Variants in ERI3 observed in about 807,000 individuals in gnomAD.
ERI3 encodes ERI1 exoribonuclease family member 3, also known as ERI1 exoribonuclease 3.
In ERI3, 18 loss-of-function variants were observed where a neutral mutation model predicts 44.4. The ratio of observed to expected loss-of-function variants is 0.41; its 90% confidence interval spans 0.28 to 0.60. The LOEUF (loss-of-function observed/expected upper bound fraction) is 0.60. Among genes scored for constraint, ERI3 ranks in the 20% least tolerant of loss-of-function variants. The pLI, the probability that ERI3 is intolerant of heterozygous loss-of-function variation, is 0.36. For synonymous variants in ERI3, 183 were observed against 164.8 expected (o/e 1.11, Z -0.84); for missense variants, 294 against 435.5 (o/e 0.68, Z 2.89).
At chr1:44,336,860 T>A (rs996195255) in intron 3 of ERI3, among the ~76,000 whole-genome samples, 8 of 152,334 alleles carry the variant, frequency 5.3e-5, no homozygotes, top group African/African-American at 1.9e-4. Flanking sequence ...GGTTCATTGA[T>A]TCTGGAGATA....
At chr1:44,268,411 T>C (rs779177793) in intron 7 of ERI3, among the ~76,000 whole-genome samples, 2 of 152,202 alleles carry the variant, frequency 1.3e-5, no homozygotes, top group Non-Finnish European at 2.9e-5. Flanking sequence ...CACTGTACCA[T>C]ACATTGCCCA....
intron 7 of ERI3, among the ~76,000 whole-genome samples, chr1:44,250,633 T>C (rs1485711492): frequency 6.6e-6 from 1 of 152,080 alleles, no homozygotes; most frequent in African/African-American, 2.4e-5. Flanking sequence ...GCGTCTCCAC[T>C]GCGGCCGTGG....
At chr1:44,264,764 GC>G (rs1644957993) in intron 7 of ERI3, among the ~76,000 whole-genome samples, 1 of 152,182 alleles carries the variant, frequency 6.6e-6, no homozygotes, top group South Asian at 2.1e-4. Flanking sequence ...TAGATTTACT[GC>G]CCACCACGCT....
chr1:44,285,925 G>A (rs1645385231), intron 6 of ERI3, among the ~76,000 whole-genome samples: 1 of 152,152 alleles, frequency 6.6e-6, no homozygotes, highest in Non-Finnish European at 1.5e-5. Flanking sequence ...AGATTGTTCT[G>A]GATGCAGCAA....
At chr1:44,272,413 GT>G (rs1645105240) in intron 7 of ERI3, among the ~76,000 whole-genome samples, 1 of 152,200 alleles carries the variant, frequency 6.6e-6, no homozygotes, top group African/African-American at 2.4e-5. Context: ...TTGCACAGCA[GT>G]TTCTAGCTGT....
At chr1:44,253,240 C>T (rs1350216452) in intron 7 of ERI3, among the ~76,000 whole-genome samples, 3 of 152,196 alleles carry the variant, frequency 2.0e-5, no homozygotes, top group Non-Finnish European at 2.9e-5. Context: ...CAGCCCATGC[C>T]TCATAGAAAG....
intron 7 of ERI3, among the ~76,000 whole-genome samples, chr1:44,283,193 G>C (rs1645324445): frequency 6.6e-6 from 1 of 152,164 alleles, no homozygotes; most frequent in South Asian, 2.1e-4. Context: ...CACATGCCTA[G>C]CTCTGCCTTG....
chr1:44,241,556 C>G lies in ERI3; in HGVS notation c.931+6383G>C, dbSNP rs2154317443. Among the ~76,000 whole-genome samples the G allele has an allele frequency of 6.6e-6, 1 of 152,240 alleles. No individual in the cohort carries two copies. The highest frequency in any genetic ancestry group is 2.4e-5 in the African/African-American group (1 of 41,552). ...GCACGCGGGTCCTGCCAGATGGATGCAATTTGCATAATATCAGCAGTGGAG... is the reference window on the plus strand; with the variant it reads ...GCACGCGGGTCCTGCCAGATGGATGGAATTTGCATAATATCAGCAGTGGAG... On this transcript the variant is annotated intron_variant, in intron 8 of 8. Transcript: ENST00000372257. This position sits in a 1 kb window ranked among gnomAD's most constrained non-coding sequence, Gnocchi z 5.6.
At chr1:44,333,831 C>CA (rs1646478902) in intron 3 of ERI3, among the ~76,000 whole-genome samples, 1 of 152,164 alleles carries the variant, frequency 6.6e-6, no homozygotes, top group Non-Finnish European at 1.5e-5. Context: ...ACATATCCTT[C>CA]AAAAATAACA....
chr1:44,333,914 C>G (rs570664599), intron 3 of ERI3, among the ~76,000 whole-genome samples: 1 of 152,336 alleles, frequency 6.6e-6, no homozygotes, highest in South Asian at 2.1e-4. Context: ...GATGGACTCT[C>G]TTCAAGGTTT....
At chr1:44,273,236 G>GT (rs1365407458) in intron 7 of ERI3, among the ~76,000 whole-genome samples, 1 of 152,242 alleles carries the variant, frequency 6.6e-6, no homozygotes, top group Non-Finnish European at 1.5e-5. Flanking sequence ...AACTAATGCA[G>GT]TTTCCAGCAA....
chr1:44,335,193 A>T (rs1380268997), intron 3 of ERI3, among the ~76,000 whole-genome samples: 3 of 151,886 alleles, frequency 2.0e-5, no homozygotes, highest in African/African-American at 4.8e-5. Flanking sequence ...TAAACAGAAA[A>T]TTAGCCAGGC....
At chr1:44,336,478 A>G (rs1646537663) in intron 3 of ERI3, among the ~76,000 whole-genome samples, 1 of 152,232 alleles carries the variant, frequency 6.6e-6, no homozygotes, top group African/African-American at 2.4e-5. Flanking sequence ...TAGAGGTTTA[A>G]TGAAGTCAAG....
At chr1:44,271,681 T>C (rs1263791521) in intron 7 of ERI3, among the ~76,000 whole-genome samples, 3 of 152,176 alleles carry the variant, frequency 2.0e-5, no homozygotes, top group Admixed American at 6.5e-5. Context: ...CAGCACCTGG[T>C]TTTATTATTA....
chr1:44,310,294 AGAG>A (rs1258290783), intron 5 of ERI3, among the ~76,000 whole-genome samples: 1 of 152,230 alleles, frequency 6.6e-6, no homozygotes, highest in Non-Finnish European at 1.5e-5. Context: ...GGAACATAGT[AGAG>A]GATACTACAG....
intron 5 of ERI3, among the ~76,000 whole-genome samples, chr1:44,312,481 G>A (rs1490420684): frequency 6.6e-6 from 1 of 152,068 alleles, no homozygotes; most frequent in South Asian, 2.1e-4. Context: ...GGGCTACAGC[G>A]CAAGAAACAG....
intron 4 of ERI3, among the ~76,000 whole-genome samples, chr1:44,318,620 C>T (rs4356094): frequency 0.25 from 38,430 of 152,192 alleles, 4,935 homozygotes; most frequent in Non-Finnish European, 0.26. Context: ...GGAGCAACCT[C>T]GAGACCTCCT....
Position 44,241,711 on chromosome 1 carries a change from T to C in ERI3, c.931+6228A>G, listed in dbSNP as rs1644438890. ...AAGTCTGCGATGGTTTGACAGGAGATACAGAGAGAGACAAGGGGAGGCGAG... is the reference window on the plus strand; with the variant it reads ...AAGTCTGCGATGGTTTGACAGGAGACACAGAGAGAGACAAGGGGAGGCGAG... On this transcript the variant is annotated intron_variant, in intron 8 of 8. Coordinates refer to ENST00000372257, the MANE Select transcript of ERI3 (RefSeq NM_024066.3). This position sits in a 1 kb window ranked among gnomAD's most constrained non-coding sequence, Gnocchi z 5.6. 6.6e-6 allele frequency among the ~76,000 whole-genome samples: 1 copy of C among 152,104 alleles called. No homozygotes were observed. The highest frequency in any genetic ancestry group is 6.5e-5 in the Admixed American group (1 of 15,270).
intron 3 of ERI3, among the ~76,000 whole-genome samples, chr1:44,321,258 T>C (rs904384961): frequency 1.3e-5 from 2 of 151,998 alleles, no homozygotes; most frequent in Admixed American, 1.3e-4. Flanking sequence ...GATTCAAAGA[T>C]TGTGGTTGCC....
Sources: allele counts gnomAD v4.1 joint callset (sites outside exome capture counted in the v4.1 genomes callset), GRCh38; gene constraint gnomAD v4.1.1; non-coding constraint Gnocchi (gnomAD v3.1); transcripts MANE v1.5; gene names NCBI Gene and HGNC (gene_info 2026-07-23, HGNC 2026-07-21).